MMP10: variants seen among roughly 807,000 people sequenced by gnomAD.
MMP10 encodes the protein matrix metallopeptidase 10.
MMP10 carries 50 observed loss-of-function variants against 49.1 expected under a neutral mutation model. That is an observed-to-expected ratio of 1.02 (90% CI 0.81 to 1.29). The LOEUF is 1.29. MMP10 is among the 50% of genes most tolerant of loss of function. The pLI is 0.00. For missense variants in MMP10, 613 were observed against 563.8 expected (o/e 1.09, Z -0.88); for synonymous variants, 229 against 201.6 (o/e 1.14, Z -1.15).
At chr11:102,771,304 T>G (rs1591702064) in intron 9 of MMP10, among the ~76,000 whole-genome samples, 1 of 152,192 alleles carries the variant, frequency 6.6e-6, no homozygotes, top group Non-Finnish European at 1.5e-5. Flanking sequence ...AATTACAGTT[T>G]GGGAGACAAC....
chr11:102,775,066 T>C (rs1862008324), intron 7 of MMP10, 122 bp downstream of exon 7: 1 of 677,696 alleles, frequency 1.5e-6, no homozygotes, highest in Non-Finnish European at 2.2e-6. Flanking sequence ...CAAATTTTAT[T>C]TAAGTGTTAG....
chr11:102,776,415 G>A lies in MMP10; in HGVS notation c.797C>T (p.Pro266Leu), dbSNP rs765940857. Residue 266 changes from proline (P) to leucine (L), a missense_variant, in exon 6 of 10, where the codon CCT becomes CTT. Physicochemically the swap from Pro to Leu is moderately conservative, Grantham distance 98. Coordinates refer to ENST00000279441, the MANE Select transcript of MMP10 (RefSeq NM_002425.3). ...CACCAGGGGTTCCTCAGTAGAGGCA[G>A]GGGGAGGTCCTAAAGGAAACAGATT... ...NGIQSLYGPP[P>L]ASTEEPLVPT... The A allele has an allele frequency of 7.4e-6, 12 of 1,613,130 alleles. No homozygotes were observed. Among genetic ancestry groups the A allele is most frequent in the South Asian group, 4.4e-5 (4 of 90,868 alleles).
intron 9 of MMP10, 71 bp downstream of exon 9, chr11:102,771,940 TC>T: frequency 1.0e-6 from 1 of 956,670 alleles, no homozygotes; most frequent in Admixed American, 2.0e-5. Flanking sequence ...CTGTTTTGAT[TC>T]TGCACTTTAT....
intron 6 of MMP10, among the ~76,000 whole-genome samples, chr11:102,775,931 C>G (rs17860977): frequency 0.019 from 2,888 of 152,028 alleles, 80 homozygotes; most frequent in African/African-American, 0.06. Flanking sequence ...GTCTAGGGAC[C>G]AAGAATCATC....
intron 4 of MMP10, 140 bp downstream of exon 4, chr11:102,778,482 CAG>C (rs1329264126): frequency 3.0e-6 from 3 of 999,556 alleles, no homozygotes; most frequent in East Asian, 2.5e-5. Context: ...TTGAAACAAA[CAG>C]TACTTCTGTT....
In MMP10 at chr11:102,778,675, A is replaced by G; in HGVS notation, c.571T>C (p.Tyr191His). The change falls in exon 4 of 10, where the codon TAT becomes CAT. Residue 191 changes from tyrosine to histidine, a missense_variant. Tyr to His is a moderately conservative substitution (Grantham distance 83). Coordinates refer to ENST00000279441, the MANE Select transcript of MMP10 (RefSeq NM_002425.3). ...AHAYPPGPGL[Y>H]GDIHFDDDEK... ...TCATCATCAAAGTGAATATCTCCATAAAGCCCAGGTCCAGGTGGGTAGGCA... is the reference window on the plus strand; with the variant it reads ...TCATCATCAAAGTGAATATCTCCATGAAGCCCAGGTCCAGGTGGGTAGGCA... The G allele has an allele frequency of 6.2e-7, 1 of 1,614,040 alleles. No homozygotes were observed. Among genetic ancestry groups the G allele is most frequent in the Non-Finnish European group, 8.5e-7 (1 of 1,179,972 alleles).
intron 7 of MMP10, among the ~76,000 whole-genome samples, chr11:102,774,596 A>G (rs1483794649): frequency 1.3e-5 from 2 of 152,182 alleles, no homozygotes; most frequent in African/African-American, 2.4e-5. Context: ...AAAACAGACA[A>G]AATTGGCAAA....
At chr11:102,775,141 G>A (rs764101469) in intron 7 of MMP10, 47 bp downstream of exon 7, 2 of 1,384,576 alleles carry the variant, frequency 1.4e-6, no homozygotes, top group African/African-American at 2.9e-5. Context: ...TAAAATTTTT[G>A]CAATAGGATT....
chr11:102,779,641 A>T lies in MMP10; in HGVS notation c.210T>A (p.Leu70=). 1 of 1,613,970 alleles carries T rather than the reference A, an allele frequency of 6.2e-7. No homozygotes were observed. The change falls in exon 2 of 10, where the codon CTT becomes CTA. Residue 70 remains leucine (L), a synonymous_variant. Transcript: ENST00000279441. ...CTAGCTTCCCTGTCACCTCCAACCC[A>T]AGGAACTTCTGCATTCCTTGGATTT... The part of the protein sequence containing the change: ...VKKIQGMQKF[L]GLEVTGKLDT...
chr11:102,771,206 C>T (rs966049939), intron 9 of MMP10, among the ~76,000 whole-genome samples: 1 of 152,204 alleles, frequency 6.6e-6, no homozygotes, highest in African/African-American at 2.4e-5. Context: ...AACATTACGT[C>T]ATACTGGTTC....
chr11:102,777,148 A>G (rs1396737484), intron 4 of MMP10, among the ~76,000 whole-genome samples: 1 of 152,220 alleles, frequency 6.6e-6, no homozygotes, highest in African/African-American at 2.4e-5. Flanking sequence ...ATAAAAAGTC[A>G]TTGTTCAAAT....
chr11:102,777,952 A>T (rs903437253), intron 4 of MMP10, among the ~76,000 whole-genome samples: 7 of 152,116 alleles, frequency 4.6e-5, no homozygotes, highest in Admixed American at 1.3e-4. Flanking sequence ...CTCAGGAAAG[A>T]TGTTCTTTGC....
chr11:102,777,417 G>A (rs1006396151), intron 4 of MMP10, among the ~76,000 whole-genome samples: 18 of 151,580 alleles, frequency 1.2e-4, no homozygotes, highest in African/African-American at 3.2e-4. Flanking sequence ...TACCATGCCC[G>A]GCTAATTTTT....
rs1857781105 is a variant in MMP10 at position 102,778,711 on chromosome 11, T to G, written c.535A>C (p.Ser179Arg). 6.2e-7 allele frequency: 1 copy of G among 1,613,878 alleles called. No individual in the cohort carries two copies. The highest frequency in any genetic ancestry group is 8.5e-7 in the Non-Finnish European group (1 of 1,179,958). ...CCAGGTGGGTAGGCATGAGCCAAAC[T>G]GTGTCCTGGGCCATCAAAAGAGTAA... is the stretch of plus-strand genomic sequence containing the variant. Reference protein sequence around the residue: ...DFYSFDGPGHSLAHAYPPGPG... With the variant: ...DFYSFDGPGHRLAHAYPPGPG... The change falls in exon 4 of 10, where the codon AGT becomes CGT. Residue 179 changes from serine to arginine, a missense_variant. Physicochemically the swap from Ser to Arg is moderately radical, Grantham distance 110 (BLOSUM62 -1). Transcript: ENST00000279441.
chr11:102,772,409 T>A lies in MMP10; in HGVS notation c.1227-294A>T, dbSNP rs1861984290. ...TGGACACACAGAAACCAAATTTCCC[T>A]GTGTCTACTATAAATACATAAAGAC... On this transcript the variant is annotated intron_variant, in intron 8 of 9. Transcript: ENST00000279441. This position sits in a 1 kb window ranked among gnomAD's most constrained non-coding sequence, Gnocchi z 4.4. Among the ~76,000 whole-genome samples, 1 of 152,236 alleles carries A rather than the reference T, an allele frequency of 6.6e-6. No individual in the cohort carries two copies. The highest frequency in any genetic ancestry group is 1.5e-5 in the Non-Finnish European group (1 of 68,032).
At position 102,770,911 on chromosome 11, in the gene MMP10, G is replaced by A; in HGVS notation, c.1331-18C>T. ...GAAAAATCCTGTAAATATAGATAAG[G>A]AAAATGATGAGACATCTTCAAATAT... On this transcript the variant is annotated intron_variant, in intron 9 of 9. Coordinates refer to ENST00000279441, the MANE Select transcript of MMP10 (RefSeq NM_002425.3). 1 of 1,495,732 alleles carries A rather than the reference G, an allele frequency of 6.7e-7. No homozygotes were observed. The allele number at this position is 1,495,732 out of a possible 1,614,324, so 92.7% of individuals were successfully genotyped here.
At chr11:102,776,591 A>G (rs753507514) in intron 5 of MMP10, 21 bp downstream of exon 5, 1 of 1,601,980 alleles carries the variant, frequency 6.2e-7, no homozygotes, top group South Asian at 1.1e-5. Context: ...TGCAATGCCT[A>G]ATTTTTCCAG....
chr11:102,770,711 A>G lies in MMP10; in HGVS notation c.*82T>C. 1.2e-6 allele frequency: 1 copy of G among 828,872 alleles called. No homozygotes were observed. The highest frequency in any genetic ancestry group is 1.9e-6 in the Non-Finnish European group (1 of 526,452). 51.3% of individuals were successfully genotyped at this position (828,872 alleles called of 1,614,324 possible). A position where few individuals can be genotyped will look rare whatever the true frequency, so the allele number is the denominator to read the frequency against. On this transcript the variant is annotated 3_prime_UTR_variant, in exon 10 of 10. Transcript: ENST00000279441. ...AGTCACAGAACATGCAGGAAAAATT[A>G]ACCATTTTGGCTCATAATACATTAG...
At position 102,772,978 on chromosome 11, in the gene MMP10, A is replaced by T. The variant is rs750720728; in HGVS notation, c.1095T>A (p.Asn365Lys). The change falls in exon 8 of 10, where the codon AAT becomes AAA. Residue 365 changes from asparagine (N) to lysine (K), a missense_variant. Transcript: ENST00000279441. This position sits in a 1 kb window ranked among gnomAD's most constrained non-coding sequence, Gnocchi z 4.4. ...KGNEFWAIRG[N>K]EVQAGYPRGI... is the part of the protein sequence containing the mutation. ...CTCTTGGATAACCTGCTTGTACCTC[A>T]TTTCCTCTGATGGCCCAGAACTCAT... The T allele has an allele frequency of 2.5e-6, 4 of 1,610,436 alleles. 1 individual carries two copies. The highest frequency in any genetic ancestry group is 1.7e-5 in the Admixed American group (1 of 59,372).
Sources: gnomAD v4.1 joint callset for allele counts (sites outside exome capture counted in the v4.1 genomes callset) on GRCh38, gnomAD v4.1.1 for gene constraint, Gnocchi (gnomAD v3.1) non-coding constraint, MANE v1.5 for transcripts, NCBI Gene and HGNC (gene_info 2026-07-23, HGNC 2026-07-21) for gene names.